Variants in BRAF observed in about 807,000 individuals in gnomAD.
BRAF encodes the protein B-Raf proto-oncogene, serine/threonine kinase, also known as serine/threonine-protein kinase B-raf.
In BRAF, 16 loss-of-function variants were observed where a neutral mutation model predicts 104.6. The observed-to-expected ratio is 0.15, with a 90% CI of 0.10 to 0.23. BRAF has a LOEUF of 0.23. Among genes scored for constraint, BRAF ranks in the 10% least tolerant of loss-of-function variants. The pLI, the probability that BRAF is intolerant of heterozygous loss-of-function variation, is 1.00. For missense variants in BRAF, 541 were observed against 937.3 expected (o/e 0.58, Z 5.52); for synonymous variants, 310 against 341.6 (o/e 0.91, Z 1.02).
At chr7:140,715,325 G>C (rs1325209401), downstream of BRAF, among the ~76,000 whole-genome samples, 1 of 152,194 alleles carries the variant, frequency 6.6e-6, no homozygotes, top group African/African-American at 2.4e-5. Context: ...TTACTCACCT[G>C]TGTGTGAGCT....
chr7:140,737,751 C>T (rs1417618326), intron 18 of BRAF, among the ~76,000 whole-genome samples: 1 of 152,054 alleles, frequency 6.6e-6, no homozygotes, highest in East Asian at 1.9e-4. Flanking sequence ...GATCTTCAGC[C>T]ATCTAAAATT....
intron 1 of BRAF, among the ~76,000 whole-genome samples, chr7:140,860,709 A>C (rs556056438): frequency 6.6e-6 from 1 of 152,180 alleles, no homozygotes; most frequent in African/African-American, 2.4e-5. Flanking sequence ...TGGGCCTAAT[A>C]ATACAAGAGT....
intron 1 of BRAF, among the ~76,000 whole-genome samples, chr7:140,915,180 T>C (rs2129143370): frequency 6.6e-6 from 1 of 151,254 alleles, no homozygotes; most frequent in South Asian, 2.1e-4. Context: ...GCAAAATAAA[T>C]GGTACAAGGT....
chr7:140,886,671 A>AC (rs1813596632), intron 1 of BRAF, among the ~76,000 whole-genome samples: 1 of 151,690 alleles, frequency 6.6e-6, no homozygotes, highest in Admixed American at 6.6e-5. Context: ...TTTCCTCATC[A>AC]CCCTTCTTCC....
Position 140,726,292 on chromosome 7 carries a change from C to G in BRAF, c.*202G>C. 1.4e-6 allele frequency: 2 copies of G among 1,415,862 alleles called. No individual in the cohort carries two copies. The highest frequency in any genetic ancestry group is 5.1e-5 in the East Asian group (2 of 38,862). 87.7% of individuals were successfully genotyped at this position (1,415,862 alleles called of 1,614,324 possible). On this transcript the variant is annotated 3_prime_UTR_variant, in exon 20 of 20. Coordinates refer to ENST00000644969, the MANE Select transcript of BRAF (RefSeq NM_001374258.1). ...TCGTGGTATTTTTGTTGAAGAAACACTGGCAGCAGAGAATTCTGGTTCCTA... is the reference window on the plus strand; with the variant it reads ...TCGTGGTATTTTTGTTGAAGAAACAGTGGCAGCAGAGAATTCTGGTTCCTA...
intron 10 of BRAF, chr7:140,783,389 T>C (rs1022585787): frequency 1.7e-5 from 8 of 464,728 alleles, no homozygotes; most frequent in South Asian, 7.3e-5. Context: ...ATGATAGACA[T>C]AGACACATAC....
chr7:140,896,177 G>A lies in BRAF; in HGVS notation c.138+28389C>T, dbSNP rs148595785. Among the ~76,000 whole-genome samples, 1,512 of 152,282 alleles carry A rather than the reference G, an allele frequency of 9.9e-3. 24 individuals carry two copies. Among genetic ancestry groups the A allele is most frequent in the African/African-American group, 0.034 (1,425 of 41,554 alleles). ...ATAGCAGCCATCCTACCTGGGGCCAGATGATACCACACTGTGGTTTCACCT... is the reference window on the plus strand; with the variant it reads ...ATAGCAGCCATCCTACCTGGGGCCAAATGATACCACACTGTGGTTTCACCT... On this transcript the variant is annotated intron_variant, in intron 1 of 19. Transcript: ENST00000644969.
chr7:140,851,078 T>A (rs1324655400), intron 1 of BRAF, among the ~76,000 whole-genome samples: 6 of 152,108 alleles, frequency 3.9e-5, no homozygotes, highest in Admixed American at 3.9e-4. Flanking sequence ...ATGAAACAAA[T>A]TTGTGGCAAG....
At chr7:140,908,267 C>T (rs1158089998) in intron 1 of BRAF, among the ~76,000 whole-genome samples, 1 of 152,124 alleles carries the variant, frequency 6.6e-6, no homozygotes, top group Admixed American at 6.5e-5. Flanking sequence ...GAAACCCACA[C>T]AAATTTTAAT....
chr7:140,739,799 A>C lies in BRAF; in HGVS notation c.2247+13T>G. ...TAGTCTGTTCTTTTGGATAGCATGA[A>C]GCTTTTACTTACTTGGGGAAAGAGT... On this transcript the variant is annotated intron_variant, in intron 18 of 19. Coordinates refer to ENST00000644969, the MANE Select transcript of BRAF (RefSeq NM_001374258.1). The C allele has an allele frequency of 2.5e-6, 4 of 1,611,888 alleles. No homozygotes were observed. Among genetic ancestry groups the C allele is most frequent in the Non-Finnish European group, 3.4e-6 (4 of 1,179,894 alleles).
chr7:140,733,143 C>T (rs1484823515), intron 19 of BRAF: 1 of 151,866 alleles, frequency 6.6e-6, no homozygotes, highest in South Asian at 2.1e-4. Context: ...AAAGATTTGC[C>T]GTAATTATTA....
intron 1 of BRAF, among the ~76,000 whole-genome samples, chr7:140,917,656 C>T (rs545745694): frequency 1.3e-5 from 2 of 152,256 alleles, no homozygotes; most frequent in South Asian, 4.1e-4. Flanking sequence ...TTTCTATAGA[C>T]CTCTAACCTA....
intron 9 of BRAF, among the ~76,000 whole-genome samples, chr7:140,787,324 AG>A (rs763991811): frequency 2.7e-5 from 4 of 146,118 alleles, no homozygotes; most frequent in Non-Finnish European, 4.5e-5. Flanking sequence ...AAAAAAAAAA[AG>A]ACTTCCTTTT....
intron 1 of BRAF, among the ~76,000 whole-genome samples, chr7:140,907,261 T>C (rs952809354): frequency 9.2e-5 from 14 of 152,142 alleles, no homozygotes; most frequent in South Asian, 8.3e-4. Flanking sequence ...GTTGGGTTTT[T>C]CCCCCCCTTT....
chr7:140,878,236 A>G (rs544871599), intron 1 of BRAF, among the ~76,000 whole-genome samples: 2 of 152,300 alleles, frequency 1.3e-5, no homozygotes, highest in Admixed American at 1.3e-4. Flanking sequence ...ATAGCAATAA[A>G]TGTCCACCCC....
Position 140,722,494 on chromosome 7 carries a change from A to C in BRAF, c.*4000T>G. 9.5e-7 allele frequency: 1 copy of C among 1,056,310 alleles called. No homozygotes were observed. Among genetic ancestry groups the C allele is most frequent in the African/African-American group, 1.6e-5 (1 of 60,708 alleles). The allele number at this position is 1,056,310 out of a possible 1,614,324, so 65.4% of individuals were successfully genotyped here. ...CTAGAGCCTCACCTACACCATTTCA[A>C]CTCATGACCTGTAAGCTATTTGCTG... On this transcript the variant is annotated 3_prime_UTR_variant, in exon 20 of 20. Coordinates refer to ENST00000644969, the MANE Select transcript of BRAF (RefSeq NM_001374258.1).
rs941527162 is a variant in BRAF at position 140,722,749 on chromosome 7, C to G, written c.*3745G>C. 1.9e-6 allele frequency: 2 copies of G among 1,050,754 alleles called. No homozygotes were observed. The highest frequency in any genetic ancestry group is 2.3e-6 in the Non-Finnish European group (2 of 870,228). 65.1% of individuals were successfully genotyped at this position (1,050,754 alleles called of 1,614,324 possible). On this transcript the variant is annotated 3_prime_UTR_variant, in exon 20 of 20. Transcript: ENST00000644969. ...CAAACTCATTATGAGGATGTACTGTCATGCCAAGCCTACTGAAAATTAAAA... is the reference window on the plus strand; with the variant it reads ...CAAACTCATTATGAGGATGTACTGTGATGCCAAGCCTACTGAAAATTAAAA...
intron 7 of BRAF, chr7:140,800,077 G>A (rs1017035889): frequency 2.2e-6 from 1 of 453,706 alleles, no homozygotes; most frequent in Non-Finnish European, 4.1e-6. Flanking sequence ...AATTAACCAG[G>A]AGATCCAAAA....
At chr7:140,860,149 CAG>C (rs1324022890) in intron 1 of BRAF, among the ~76,000 whole-genome samples, 34 of 152,050 alleles carry the variant, frequency 2.2e-4, no homozygotes, top group Admixed American at 2.2e-3. Context: ...GGCTCAGAAA[CAG>C]AGGCACAGGT....
Sources: allele counts gnomAD v4.1 joint callset (sites outside exome capture counted in the v4.1 genomes callset), GRCh38; gene constraint gnomAD v4.1.1; transcripts MANE v1.5; gene names NCBI Gene and HGNC (gene_info 2026-07-23, HGNC 2026-07-21).